The following SNTG1 variants were observed in gnomAD, a reference collection of about 807,000 sequenced individuals.
The protein encoded by SNTG1 is syntrophin gamma 1.
Under a neutral mutation model 74.7 loss-of-function variants are expected in SNTG1, and 39 were observed. That is an observed-to-expected ratio of 0.52 (90% CI 0.40 to 0.68). The LOEUF (loss-of-function observed/expected upper bound fraction) is 0.68, where lower values mean the gene tolerates loss of function less well. Among genes scored for constraint, SNTG1 ranks in the 30% least tolerant of loss-of-function variants. SNTG1 has a pLI of 0.00. For missense variants in SNTG1, 685 were observed against 609.5 expected (o/e 1.12, Z -1.30); for synonymous variants, 254 against 217.1 (o/e 1.17, Z -1.49).
intron 13 of SNTG1, among the ~76,000 whole-genome samples, chr8:50,648,850 C>T (rs936154982): frequency 2.0e-5 from 3 of 152,134 alleles, no homozygotes; most frequent in Admixed American, 6.6e-5. Flanking sequence ...TCTCTCCTCT[C>T]ACTTAACTGT....
At chr8:50,445,301 T>C (rs561215764) in intron 5 of SNTG1, among the ~76,000 whole-genome samples, 63 of 152,354 alleles carry the variant, frequency 4.1e-4, no homozygotes, top group African/African-American at 1.5e-3. Flanking sequence ...ACTGTTATTC[T>C]GTTTACAAGT....
At chr8:50,098,092 A>T (rs1420860945) in intron 1 of SNTG1, among the ~76,000 whole-genome samples, 1 of 152,216 alleles carries the variant, frequency 6.6e-6, no homozygotes, top group Non-Finnish European at 1.5e-5. Context: ...CAGATTAATT[A>T]AAACATAGCT....
intron 2 of SNTG1, among the ~76,000 whole-genome samples, chr8:50,390,462 G>A (rs908440117): frequency 3.9e-5 from 6 of 152,160 alleles, no homozygotes; most frequent in African/African-American, 1.4e-4. Flanking sequence ...TGCTGTTTTA[G>A]TTACTGTAAC....
intron 1 of SNTG1, among the ~76,000 whole-genome samples, chr8:49,950,739 G>A (rs1022205364): frequency 2.6e-5 from 4 of 152,184 alleles, no homozygotes; most frequent in Non-Finnish European, 4.4e-5. Flanking sequence ...TGTATAAAAC[G>A]TCTAGGCAGC....
chr8:50,312,029 A>T (rs2090133176), intron 2 of SNTG1, among the ~76,000 whole-genome samples: 1 of 151,932 alleles, frequency 6.6e-6, no homozygotes, highest in Non-Finnish European at 1.5e-5. Flanking sequence ...TATGCATATG[A>T]TTTTGGAATG....
At chr8:50,790,495 T>A (rs1335185207) in intron 18 of SNTG1, among the ~76,000 whole-genome samples, 11 of 151,914 alleles carry the variant, frequency 7.2e-5, no homozygotes, top group Non-Finnish European at 1.3e-4. Flanking sequence ...CATCAGTGGA[T>A]GTTTGATAGG....
intron 8 of SNTG1, among the ~76,000 whole-genome samples, chr8:50,493,595 T>A (rs1368719618): frequency 6.6e-6 from 1 of 152,100 alleles, no homozygotes; most frequent in Non-Finnish European, 1.5e-5. Context: ...TGATTAAACA[T>A]TTGACCAGTA....
At chr8:50,012,251 A>G (rs1026900080) in intron 1 of SNTG1, among the ~76,000 whole-genome samples, 1 of 152,012 alleles carries the variant, frequency 6.6e-6, no homozygotes, top group African/African-American at 2.4e-5. Flanking sequence ...TTCTATCTTC[A>G]TGAAGTCAAG....
intron 1 of SNTG1, among the ~76,000 whole-genome samples, chr8:49,924,476 T>C (rs1585519381): frequency 6.6e-6 from 1 of 152,244 alleles, no homozygotes; most frequent in East Asian, 1.9e-4. Context: ...AAATTTGTTT[T>C]AAAAACCAAG....
chr8:50,542,643 T>A (rs1380527263), intron 11 of SNTG1, among the ~76,000 whole-genome samples: 3 of 152,190 alleles, frequency 2.0e-5, no homozygotes, highest in Admixed American at 6.5e-5. Flanking sequence ...GTAGTCTTAT[T>A]TTCAGTTTTT....
At chr8:50,459,973 T>G (rs1489234633) in intron 8 of SNTG1, among the ~76,000 whole-genome samples, 1 of 152,238 alleles carries the variant, frequency 6.6e-6, no homozygotes, top group Non-Finnish European at 1.5e-5. Context: ...AATGAACAAG[T>G]GAATGCGTGT....
At chr8:50,021,510 A>G (rs1348925502) in intron 1 of SNTG1, among the ~76,000 whole-genome samples, 1 of 152,132 alleles carries the variant, frequency 6.6e-6, no homozygotes, top group Non-Finnish European at 1.5e-5. Context: ...AGCTAATGAA[A>G]TTTTCTGTAT....
At chr8:50,313,387 A>G (rs920657014) in intron 2 of SNTG1, among the ~76,000 whole-genome samples, 1 of 149,758 alleles carries the variant, frequency 6.7e-6, no homozygotes, top group Non-Finnish European at 1.5e-5. Flanking sequence ...ACAACCATAG[A>G]TAGAGAAAAA....
chr8:50,126,086 A>G (rs903469876), intron 1 of SNTG1, among the ~76,000 whole-genome samples: 6 of 152,162 alleles, frequency 3.9e-5, no homozygotes, highest in Admixed American at 2.6e-4. Context: ...TTGGGTCATC[A>G]CACCTGAGGA....
At chr8:50,127,999 GGA>G (rs566925251) in intron 1 of SNTG1, among the ~76,000 whole-genome samples, 2 of 151,990 alleles carry the variant, frequency 1.3e-5, no homozygotes, top group Non-Finnish European at 1.5e-5. Flanking sequence ...ATTAGATTGG[GGA>G]GAGAGTCTAA....
At chr8:50,496,380 G>A (rs1324762800) in intron 8 of SNTG1, among the ~76,000 whole-genome samples, 1 of 152,126 alleles carries the variant, frequency 6.6e-6, no homozygotes, top group African/African-American at 2.4e-5. Flanking sequence ...GTTTCCTGAT[G>A]TGTGCTTAAA....
At chr8:50,240,128 T>G (rs536299632) in intron 2 of SNTG1, among the ~76,000 whole-genome samples, 1 of 152,340 alleles carries the variant, frequency 6.6e-6, no homozygotes, top group South Asian at 2.1e-4. Context: ...GAGAGCTCAT[T>G]AATATGCCTG....
chr8:49,990,191 C>T (rs1813546033), intron 1 of SNTG1, among the ~76,000 whole-genome samples: 1 of 151,978 alleles, frequency 6.6e-6, no homozygotes, highest in East Asian at 1.9e-4. Context: ...ATCATAAATT[C>T]ACCAACATTT....
intron 1 of SNTG1, among the ~76,000 whole-genome samples, chr8:50,005,372 T>C (rs890058127): frequency 3.3e-5 from 5 of 151,884 alleles, no homozygotes; most frequent in Non-Finnish European, 5.9e-5. Context: ...AACATATACA[T>C]CTTAAATAAA....
Sources: allele counts gnomAD v4.1 joint callset (sites outside exome capture counted in the v4.1 genomes callset), GRCh38; gene constraint gnomAD v4.1.1; transcripts MANE v1.5; gene names NCBI Gene and HGNC (gene_info 2026-07-23, HGNC 2026-07-21).